The following TMEM17 variants were observed in gnomAD, a reference collection of about 807,000 sequenced individuals.
TMEM17 encodes the protein transmembrane protein 17.
TMEM17 carries 15 observed loss-of-function variants against 19.1 expected under a neutral mutation model. The observed-to-expected ratio is 0.78, with a 90% confidence interval of 0.52 to 1.21. The LOEUF (loss-of-function observed/expected upper bound fraction) is 1.21. TMEM17 is among the 50% of genes most tolerant of loss of function. The pLI is 0.00. For missense variants in TMEM17, 245 were observed against 242.3 expected (o/e 1.01, Z -0.07); for synonymous variants, 103 against 86.9 (o/e 1.19, Z -1.03).
chr2:62,498,492 G>A (rs1168104310), downstream of TMEM17, among the ~76,000 whole-genome samples: 3 of 150,858 alleles, frequency 2.0e-5, no homozygotes, highest in Non-Finnish European at 4.4e-5. Context: ...CGAGGCGGGC[G>A]GATCACGAGG....
At position 62,502,851 on chromosome 2, in the gene TMEM17, T is replaced by A. The variant is rs1679969524; in HGVS notation, c.101-57A>T. 18 of 1,009,238 alleles carry A rather than the reference T, an allele frequency of 1.8e-5. No individual in the cohort carries two copies. In the South Asian group the frequency reaches 2.9e-4, roughly 16 times the overall value. 62.5% of individuals were successfully genotyped at this position (1,009,238 alleles called of 1,614,324 possible). A position where few individuals can be genotyped will look rare whatever the true frequency, so the allele number is the denominator to read the frequency against. On this transcript the variant is annotated intron_variant, in intron 1 of 3. Transcript: ENST00000335390. ...GAATCTTGGGTTTATGCCCTATATA[T>A]ATATATCCTATTCCCTAGAATTAAT...
the TMEM17 span, among the ~76,000 whole-genome samples, chr2:62,469,263 A>G: frequency 2.6e-5 from 4 of 152,132 alleles, no homozygotes; most frequent in Admixed American, 2.0e-4. Context: ...TCTTCCCTCA[A>G]AGAGGACCCA....
chr2:62,498,252 T>C (rs1032511419), downstream of TMEM17, among the ~76,000 whole-genome samples: 1 of 151,784 alleles, frequency 6.6e-6, no homozygotes, highest in Non-Finnish European at 1.5e-5. Flanking sequence ...CCAGGAATGG[T>C]GGCAGGTGCC....
chr2:62,497,580 T>G (rs1266496426), downstream of TMEM17, among the ~76,000 whole-genome samples: 1 of 152,236 alleles, frequency 6.6e-6, no homozygotes, highest in Non-Finnish European at 1.5e-5. Flanking sequence ...CTTTCCAGAT[T>G]CGTCATTCAT....
At chr2:62,475,192 C>A in the TMEM17 span, among the ~76,000 whole-genome samples, 1 of 152,202 alleles carries the variant, frequency 6.6e-6, no homozygotes, top group African/African-American at 2.4e-5. Flanking sequence ...AGCTTCTGAG[C>A]CAGACCAAGG....
the TMEM17 span, among the ~76,000 whole-genome samples, chr2:62,477,207 G>C: frequency 6.6e-6 from 1 of 152,250 alleles, no homozygotes; most frequent in Admixed American, 6.5e-5. Context: ...GACCAGCCTG[G>C]CCAACATAGT....
chr2:62,491,493 A>T, the TMEM17 span: 1 of 152,792 alleles, frequency 6.5e-6, no homozygotes, highest in South Asian at 2.1e-4. Context: ...CAAACAAACA[A>T]CAACAACAAC....
At chr2:62,485,886 A>G in the TMEM17 span, among the ~76,000 whole-genome samples, 5 of 152,192 alleles carry the variant, frequency 3.3e-5, no homozygotes. Context: ...TCTTGTACAG[A>G]GCCAGTGCCT....
At chr2:62,456,761 G>T in the TMEM17 span, among the ~76,000 whole-genome samples, 1 of 152,244 alleles carries the variant, frequency 6.6e-6, no homozygotes, top group African/African-American at 2.4e-5. Flanking sequence ...CCTGGAGGGA[G>T]ACCAGAGCCA....
At chr2:62,459,824 G>C in the TMEM17 span, among the ~76,000 whole-genome samples, 6 of 152,238 alleles carry the variant, frequency 3.9e-5, no homozygotes, top group African/African-American at 1.4e-4. Flanking sequence ...TATGGTTGCT[G>C]TTCACAGGTG....
chr2:62,465,552 C>T, the TMEM17 span, among the ~76,000 whole-genome samples: 1 of 151,184 alleles, frequency 6.6e-6, no homozygotes, highest in Non-Finnish European at 1.5e-5. Flanking sequence ...ACAGGAGGAT[C>T]GCTTGAGCTC....
chr2:62,466,292 C>T, the TMEM17 span, among the ~76,000 whole-genome samples: 7 of 152,086 alleles, frequency 4.6e-5, no homozygotes, highest in African/African-American at 1.7e-4. Context: ...GCAGTGAAAG[C>T]GGAACCTTCC....
At chr2:62,492,598 G>T in the TMEM17 span, among the ~76,000 whole-genome samples, 1 of 152,240 alleles carries the variant, frequency 6.6e-6, no homozygotes, top group African/African-American at 2.4e-5. Flanking sequence ...ATTAAGAACA[G>T]GAGGCAGGAG....
In TMEM17 at chr2:62,502,578, A is replaced by T. The variant is rs1401243890; in HGVS notation, c.205-28T>A. 2.0e-6 allele frequency: 3 copies of T among 1,520,642 alleles called. No individual in the cohort carries two copies. The African/African-American group carries it at 4.2e-5, about 21-fold the overall frequency. The allele number at this position is 1,520,642 out of a possible 1,614,324, so 94.2% of individuals were successfully genotyped here. ...AAAAGAAAAGCCAAAACATGTTTGTAAAATCTCATGTATAGTAACATTGAT... is the reference window on the plus strand; with the variant it reads ...AAAAGAAAAGCCAAAACATGTTTGTTAAATCTCATGTATAGTAACATTGAT... On this transcript the variant is annotated intron_variant, in intron 2 of 3. Transcript: ENST00000335390.
chr2:62,476,561 T>G, the TMEM17 span, among the ~76,000 whole-genome samples: 1 of 152,180 alleles, frequency 6.6e-6, no homozygotes, highest in Non-Finnish European at 1.5e-5. Context: ...ATAAACCCAT[T>G]GTAAAGTTGA....
the TMEM17 span, among the ~76,000 whole-genome samples, chr2:62,458,269 A>T: frequency 1.6e-4 from 24 of 152,244 alleles, no homozygotes; most frequent in Non-Finnish European, 3.2e-4. Flanking sequence ...CCGTGAGGCA[A>T]GCCTGCTCTT....
chr2:62,469,409 T>C, the TMEM17 span, among the ~76,000 whole-genome samples: 1 of 152,254 alleles, frequency 6.6e-6, no homozygotes, highest in South Asian at 2.1e-4. Context: ...TGGGCTCATT[T>C]AGCTTCTTGC....
the TMEM17 span, among the ~76,000 whole-genome samples, chr2:62,471,509 T>A: frequency 6.0e-4 from 92 of 152,342 alleles, no homozygotes; most frequent in African/African-American, 2.2e-3. Context: ...ACGGTAGCAC[T>A]TGTGGGCTAA....
the TMEM17 span, among the ~76,000 whole-genome samples, chr2:62,482,876 G>T: frequency 6.6e-6 from 1 of 152,200 alleles, no homozygotes; most frequent in Non-Finnish European, 1.5e-5. Flanking sequence ...AGTTTGGGTT[G>T]GAGTTTCGTC....
Sources: allele counts gnomAD v4.1 joint callset (sites outside exome capture counted in the v4.1 genomes callset), GRCh38; gene constraint gnomAD v4.1.1; transcripts MANE v1.5; gene names NCBI Gene and HGNC (gene_info 2026-07-23, HGNC 2026-07-21).